Variants in CCSER1 observed in about 807,000 individuals in gnomAD.
CCSER1 encodes coiled-coil serine rich protein 1.
Under a neutral mutation model 82.0 loss-of-function variants are expected in CCSER1, and 41 were observed. The observed-to-expected ratio is 0.50, with a 90% confidence interval of 0.39 to 0.65. CCSER1 has a LOEUF of 0.65. Ranked by LOEUF, CCSER1 falls within the 30% of genes least tolerant of loss-of-function variation. The pLI is 0.00. For missense variants in CCSER1, 1,119 were observed against 1,064.2 expected (o/e 1.05, Z -0.72); for synonymous variants, 414 against 383.9 (o/e 1.08, Z -0.92).
intron 10 of CCSER1, among the ~76,000 whole-genome samples, chr4:91,382,601 C>A (rs1246009796): frequency 6.6e-6 from 1 of 152,148 alleles, no homozygotes; most frequent in Non-Finnish European, 1.5e-5. Flanking sequence ...CAGGTGCCAT[C>A]TGCCACAGCT....
chr4:90,231,850 C>A (rs1744626774), intron 1 of CCSER1, among the ~76,000 whole-genome samples: 2 of 150,214 alleles, frequency 1.3e-5, no homozygotes, highest in African/African-American at 4.9e-5. Flanking sequence ...AGAGCCAAAT[C>A]ATGAGTGAAC....
rs76063397 is a variant in CCSER1 at position 90,275,980 on chromosome 4, G to A, written c.-41-32264G>A. On this transcript the variant is annotated intron_variant, in intron 1 of 10. Coordinates refer to ENST00000509176, the MANE Select transcript of CCSER1 (RefSeq NM_001145065.2). ...GAGATGTATGCCTAATTTACAGAGA[G>A]CATTAAAAGTTTGGGAGAAGAGTAT... Among the ~76,000 whole-genome samples the A allele has an allele frequency of 2.6e-3, 390 of 152,216 alleles. 2 individuals carry two copies. Among genetic ancestry groups the A allele is most frequent in the African/African-American group, 8.4e-3 (351 of 41,552 alleles).
At chr4:90,455,634 TC>T (rs34623495) in intron 4 of CCSER1, among the ~76,000 whole-genome samples, 1 of 152,128 alleles carries the variant, frequency 6.6e-6, no homozygotes, top group Non-Finnish European at 1.5e-5. Context: ...TATCCCTAAA[TC>T]CCCGTGATCT....
At chr4:90,452,588 C>T (rs1341618595) in intron 4 of CCSER1, among the ~76,000 whole-genome samples, 1 of 152,210 alleles carries the variant, frequency 6.6e-6, no homozygotes. Context: ...GACCTCGGGC[C>T]TGGGTTGGAA....
At chr4:90,435,631 T>C (rs1035949857) in intron 4 of CCSER1, among the ~76,000 whole-genome samples, 1 of 152,122 alleles carries the variant, frequency 6.6e-6, no homozygotes, top group Non-Finnish European at 1.5e-5. Context: ...TGTAAGAGGT[T>C]GGGAGACATT....
chr4:91,452,698 T>C (rs1249435346), intron 10 of CCSER1, among the ~76,000 whole-genome samples: 1 of 152,084 alleles, frequency 6.6e-6, no homozygotes, highest in Non-Finnish European at 1.5e-5. Flanking sequence ...CCTTAATTTC[T>C]TAGTCACAGC....
intron 10 of CCSER1, among the ~76,000 whole-genome samples, chr4:91,455,848 A>G (rs945312881): frequency 2.6e-5 from 4 of 152,096 alleles, no homozygotes; most frequent in Non-Finnish European, 5.9e-5. Flanking sequence ...GGAAAGTTGT[A>G]TATGCACAGG....
At chr4:90,682,290 CATT>C (rs777568990) in intron 6 of CCSER1, among the ~76,000 whole-genome samples, 10 of 151,804 alleles carry the variant, frequency 6.6e-5, no homozygotes, top group Non-Finnish European at 8.8e-5. Context: ...AAAAGACACT[CATT>C]AGACTTAAAA....
At chr4:91,085,534 G>A (rs1466626083) in intron 9 of CCSER1, among the ~76,000 whole-genome samples, 3 of 152,040 alleles carry the variant, frequency 2.0e-5, no homozygotes, top group African/African-American at 7.2e-5. Context: ...CAGCAGTACT[G>A]CAAGGGCTTC....
chr4:91,465,722 C>T (rs184788001), intron 10 of CCSER1, among the ~76,000 whole-genome samples: 1,553 of 152,236 alleles, frequency 0.01, 11 homozygotes, highest in Middle Eastern at 0.02. Flanking sequence ...ATACTATAAA[C>T]ACCTCTATAC....
At chr4:90,654,221 T>C (rs981481784) in intron 6 of CCSER1, among the ~76,000 whole-genome samples, 1 of 152,156 alleles carries the variant, frequency 6.6e-6, no homozygotes, top group Non-Finnish European at 1.5e-5. Context: ...ATTATGTGAA[T>C]TCGTTGGGAT....
intron 8 of CCSER1, among the ~76,000 whole-genome samples, chr4:90,879,894 A>T (rs1721039403): frequency 6.6e-6 from 1 of 152,206 alleles, no homozygotes; most frequent in Non-Finnish European, 1.5e-5. Context: ...TACAGTCAAT[A>T]GACTTATTTT....
At chr4:90,638,519 A>G (rs948180211) in intron 6 of CCSER1, among the ~76,000 whole-genome samples, 5 of 152,174 alleles carry the variant, frequency 3.3e-5, no homozygotes, top group African/African-American at 9.6e-5. Flanking sequence ...AGGTTAAAAA[A>G]ATTTACAAGG....
chr4:91,178,669 C>T (rs1198907095), intron 10 of CCSER1, among the ~76,000 whole-genome samples: 1 of 152,126 alleles, frequency 6.6e-6, no homozygotes, highest in Non-Finnish European at 1.5e-5. Context: ...GTTGATCTTC[C>T]TCCATCCCTT....
chr4:90,160,649 T>C (rs1346065362), intron 1 of CCSER1, among the ~76,000 whole-genome samples: 1 of 152,154 alleles, frequency 6.6e-6, no homozygotes, highest in African/African-American at 2.4e-5. Context: ...AGATGCTATT[T>C]ATATTTGGAG....
chr4:91,314,248 T>C (rs1333294292), intron 10 of CCSER1, among the ~76,000 whole-genome samples: 1 of 151,976 alleles, frequency 6.6e-6, no homozygotes, highest in African/African-American at 2.4e-5. Context: ...TCAGTGACCA[T>C]ACCTCAGTAA....
intron 5 of CCSER1, among the ~76,000 whole-genome samples, chr4:90,622,642 A>G (rs567064536): frequency 1.3e-5 from 2 of 152,250 alleles, no homozygotes; most frequent in East Asian, 3.9e-4. Flanking sequence ...TATATGTGCC[A>G]CATTTTCTTA....
chr4:90,259,970 A>G (rs1400650242), intron 1 of CCSER1, among the ~76,000 whole-genome samples: 1 of 152,094 alleles, frequency 6.6e-6, no homozygotes. Context: ...TTAGGGTGGT[A>G]CTGGCTTCAT....
At chr4:90,397,515 C>T (rs950063389) in intron 3 of CCSER1, among the ~76,000 whole-genome samples, 1 of 152,204 alleles carries the variant, frequency 6.6e-6, no homozygotes, top group South Asian at 2.1e-4. Flanking sequence ...GAAACAGGAA[C>T]AACATGACCT....
Sources: allele counts gnomAD v4.1 joint callset (sites outside exome capture counted in the v4.1 genomes callset), GRCh38; gene constraint gnomAD v4.1.1; transcripts MANE v1.5; gene names NCBI Gene and HGNC (gene_info 2026-07-23, HGNC 2026-07-21).